Variants in RPL6 observed in about 807,000 individuals in gnomAD.
The protein encoded by RPL6 is large ribosomal subunit protein eL6.
RPL6 carries 1 observed loss-of-function variant against 32.1 expected under a neutral mutation model. The ratio of observed to expected loss-of-function variants is 0.03; its 90% CI spans 0.01 to 0.15. RPL6 has a LOEUF of 0.15. Ranked by LOEUF, RPL6 falls within the 10% of genes least tolerant of loss-of-function variation. The pLI, the probability that RPL6 is intolerant of heterozygous loss-of-function variation, is 1.00. For missense variants in RPL6, 275 were observed against 354.6 expected, an observed-to-expected ratio of 0.78 and a Z score of 1.80; for synonymous variants, 126 against 131.6, an observed-to-expected ratio of 0.96 and a Z score of 0.29.
intron 1 of RPL6, among the ~76,000 whole-genome samples, chr12:112,416,037 C>A (rs1484840700): frequency 6.8e-6 from 1 of 147,754 alleles, no homozygotes; most frequent in Non-Finnish European, 1.5e-5. Flanking sequence ...TGGCTCACTG[C>A]AAGCACCACT....
chr12:112,408,865 CTT>C, intron 1 of RPL6: 1 of 511,616 alleles, frequency 2.0e-6, no homozygotes, highest in Non-Finnish European at 3.4e-6. Flanking sequence ...ACACTATAAA[CTT>C]TTTTTTTGAG....
At chr12:112,413,081 TG>T (rs1274775567), upstream of RPL6, among the ~76,000 whole-genome samples, 1 of 152,116 alleles carries the variant, frequency 6.6e-6, no homozygotes, top group Non-Finnish European at 1.5e-5. Flanking sequence ...TGCTGGGGAT[TG>T]GGATATGGAG....
At chr12:112,409,235 T>A (rs1178736403) in intron 1 of RPL6, 3 of 379,860 alleles carry the variant, frequency 7.9e-6, no homozygotes, top group East Asian at 3.8e-5. Context: ...CCAACGTGGC[T>A]GCGACAGGCT....
chr12:112,412,650 A>AT (rs1410063698), upstream of RPL6, among the ~76,000 whole-genome samples: 1 of 151,880 alleles, frequency 6.6e-6, no homozygotes, highest in Admixed American at 6.6e-5. Context: ...ATTTTTTTAC[A>AT]TTTTTTGTAG....
Position 112,406,828 on chromosome 12 carries a change from G to T in RPL6, c.399C>A (p.Phe133Leu). Residue 133 changes from phenylalanine to leucine, a missense_variant, in exon 4 of 7, where the codon TTC becomes TTA. Coordinates refer to ENST00000202773, the MANE Select transcript of RPL6 (RefSeq NM_000970.6). Reference sequence around the variant, plus strand: ...CTCGCAGTTTTCTCACGTGCTGACTGAAGGGTTTTTTGCCGTGGCTCAACA... The same window carrying T: ...CTCGCAGTTTTCTCACGTGCTGACTTAAGGGTTTTTTGCCGTGGCTCAACA... ...RKLLSHGKKP[F>L]SQHVRKLRAS... The T allele has an allele frequency of 6.2e-7, 1 of 1,614,220 alleles. No homozygotes were observed. The highest frequency in any genetic ancestry group is 1.1e-5 in the South Asian group (1 of 91,084).
In RPL6 at chr12:112,409,568, A is replaced by T. The variant is rs561030382; in HGVS notation, c.-1+19T>A. 5.0e-6 allele frequency: 2 copies of T among 398,508 alleles called. No homozygotes were observed. The highest frequency in any genetic ancestry group is 2.1e-5 in the African/African-American group (1 of 48,618). 24.7% of individuals were successfully genotyped at this position (398,508 alleles called of 1,614,324 possible). ...GGAGTCCTGAACTCAAGTCTTGCAGACAGGCCCGCGATTCTTACCTTGCAA... is the reference window on the plus strand; with the variant it reads ...GGAGTCCTGAACTCAAGTCTTGCAGTCAGGCCCGCGATTCTTACCTTGCAA... On this transcript the variant is annotated intron_variant, in intron 1 of 6. Coordinates refer to ENST00000202773, the MANE Select transcript of RPL6 (RefSeq NM_000970.6).
Position 112,406,087 on chromosome 12 carries a change from C to G in RPL6, c.530-50G>C, listed in dbSNP as rs370123139. On this transcript the variant is annotated intron_variant, in intron 5 of 6. Transcript: ENST00000202773. ...AAGGAAAAGGGGGAAGAATCATCAT[C>G]CTGCAATTTAGGTGACCATTACTTG... 2.0e-4 allele frequency: 307 copies of G among 1,504,778 alleles called. 1 individual carries two copies. Among genetic ancestry groups the G allele is most frequent in the Non-Finnish European group, 2.7e-4 (295 of 1,095,486 alleles). 93.2% of individuals were successfully genotyped at this position (1,504,778 alleles called of 1,614,324 possible). A position where few individuals can be genotyped will look rare whatever the true frequency, so the allele number is the denominator to read the frequency against.
upstream of RPL6, among the ~76,000 whole-genome samples, chr12:112,412,049 T>A (rs2037346851): frequency 1.3e-5 from 2 of 151,732 alleles, no homozygotes; most frequent in Admixed American, 1.3e-4. Flanking sequence ...CTGGCTAATT[T>A]TTTTTTTTGA....
chr12:112,417,905 G>A (rs1341808905), intron 1 of RPL6, among the ~76,000 whole-genome samples: 1 of 151,850 alleles, frequency 6.6e-6, no homozygotes, highest in Non-Finnish European at 1.5e-5. Flanking sequence ...CGATTCGCCC[G>A]CCTCAGCCTC....
Position 112,408,461 on chromosome 12 carries a change from T to C in RPL6, c.196A>G (p.Lys66Glu). Residue 66 changes from lysine to glutamate, a missense_variant, in exon 2 of 7, where the codon AAG becomes GAG. Coordinates refer to ENST00000202773, the MANE Select transcript of RPL6 (RefSeq NM_000970.6). ...GAGTACTTCCTCTTGTACATGGCCT[T>C]TCTGGAATACATGGCAGATCGGGAA... ...RYSRSAMYSR[K>E]AMYKRKYSAA... The C allele has an allele frequency of 6.2e-7, 1 of 1,614,228 alleles. No individual in the cohort carries two copies. Among genetic ancestry groups the C allele is most frequent in the Non-Finnish European group, 8.5e-7 (1 of 1,180,040 alleles).
upstream of RPL6, chr12:112,411,431 G>C (rs1255202612): frequency 6.6e-6 from 1 of 152,098 alleles, no homozygotes; most frequent in Non-Finnish European, 1.5e-5. Context: ...GCCTTTTTCT[G>C]GTTCTGATTC....
Position 112,405,862 on chromosome 12 carries a change from T to C in RPL6, c.705A>G (p.Thr235=). 6.2e-7 allele frequency: 1 copy of C among 1,611,242 alleles called. No individual in the cohort carries two copies. The highest frequency in any genetic ancestry group is 1.3e-5 in the African/African-American group (1 of 74,830). The change falls in exon 6 of 7, where the codon ACA becomes ACG. Residue 235 remains threonine (T), a synonymous_variant. Transcript: ENST00000202773. ...ACAAGTAGAAACTTACCTCTTTTTC[T>C]GTGTCGAAGATCTCACCTTCCTGGT... The part of the protein sequence containing the change: ...PRHQEGEIFD[T]EKEKYEITEQ...
At chr12:112,415,450 C>G (rs140567169) in intron 1 of RPL6, among the ~76,000 whole-genome samples, 1 of 152,064 alleles carries the variant, frequency 6.6e-6, no homozygotes, top group Non-Finnish European at 1.5e-5. Flanking sequence ...TGGTGGCTCA[C>G]GCCTGTAATC....
chr12:112,406,643 C>A, intron 4 of RPL6, 104 bp downstream of exon 4: 1 of 1,441,776 alleles, frequency 6.9e-7, no homozygotes, highest in Non-Finnish European at 9.3e-7. Flanking sequence ...CCCCTTGCCC[C>A]AAACATAGGT....
chr12:112,406,094 T>A, intron 5 of RPL6, 57 bp from the exon 6 acceptor site: 1 of 1,456,310 alleles, frequency 6.9e-7, no homozygotes, highest in Non-Finnish European at 9.5e-7. Flanking sequence ...CATCCTGCAA[T>A]TTAGGTGACC....
intron 1 of RPL6, among the ~76,000 whole-genome samples, chr12:112,417,089 A>G (rs940711347): frequency 2.8e-4 from 42 of 152,258 alleles, no homozygotes; most frequent in African/African-American, 9.4e-4. Context: ...AAAGAGTCTC[A>G]CCCTGTCACC....
chr12:112,408,270 G>C lies in RPL6; in HGVS notation c.306C>G (p.Gly102=). 13 of 1,614,096 alleles carry C rather than the reference G, an allele frequency of 8.1e-6. No homozygotes were observed. The highest frequency in any genetic ancestry group is 1.1e-5 in the Non-Finnish European group (13 of 1,179,996). Residue 102 remains glycine (G), a synonymous_variant, in exon 3 of 7, where the codon GGC becomes GGG. Coordinates refer to ENST00000202773, the MANE Select transcript of RPL6 (RefSeq NM_000970.6). ...TGCGAAGTTTAACCACCCGGGTACCGCCGTTCTTGTCACCACCAACTGGTT... is the reference window on the plus strand; with the variant it reads ...TGCGAAGTTTAACCACCCGGGTACCCCCGTTCTTGTCACCACCAACTGGTT... ...VTKPVGGDKN[G]GTRVVKLRKM... is the part of the protein sequence containing the mutation.
At position 112,405,990 on chromosome 12, in the gene RPL6, A is replaced by C. The variant is rs1409819150; in HGVS notation, c.577T>G (p.Phe193Val). Residue 193 changes from phenylalanine to valine, a missense_variant, in exon 6 of 7, where the codon TTT (phenylalanine) becomes GTT (valine). Transcript: ENST00000202773. Reference sequence around the variant, plus strand: ...ATTTTGGTTGAAGTGGCAATGACAAATTTCTGGTGTGTTCTTCGTAGAGGA... The same window carrying C: ...ATTTTGGTTGAAGTGGCAATGACAACTTTCTGGTGTGTTCTTCGTAGAGGA... ...RVPLRRTHQK[F>V]VIATSTKIDI... 6.2e-7 allele frequency: 1 copy of C among 1,614,096 alleles called. No homozygotes were observed. The highest frequency in any genetic ancestry group is 2.2e-5 in the East Asian group (1 of 44,880).
At chr12:112,409,274 G>C (rs2037284453) in intron 1 of RPL6, 1 of 390,054 alleles carries the variant, frequency 2.6e-6, no homozygotes, top group Non-Finnish European at 4.5e-6. Context: ...CCCAGGACCA[G>C]GAACACAGTG....
Sources: gnomAD v4.1 joint callset for allele counts (sites outside exome capture counted in the v4.1 genomes callset) on GRCh38, gnomAD v4.1.1 for gene constraint, MANE v1.5 for transcripts, NCBI Gene and HGNC (gene_info 2026-07-23, HGNC 2026-07-21) for gene names.